The following HMCN1 variants were observed in gnomAD, a reference collection of about 807,000 sequenced individuals.
HMCN1 encodes the protein hemicentin 1.
Under a neutral mutation model 625.9 loss-of-function variants are expected in HMCN1, and 321 were observed. That is an observed-to-expected ratio of 0.51 (90% confidence interval 0.47 to 0.56). HMCN1 has a LOEUF of 0.56. Among genes scored for constraint, HMCN1 ranks in the 20% least tolerant of loss-of-function variants. The probability of loss-of-function intolerance (pLI) is 0.00; values close to 1 mark genes in which losing one functional copy is unlikely to be tolerated. For synonymous variants in HMCN1, 2,425 were observed against 2,417.6 expected (o/e 1.00, Z -0.09); for missense variants, 6,588 against 6,887.3 (o/e 0.96, Z 1.54).
At chr1:186,108,329 T>A (rs1660719087) in intron 70 of HMCN1, 132 bp from the exon 71 acceptor site, 2 of 1,398,530 alleles carry the variant, frequency 1.4e-6, no homozygotes, top group African/African-American at 1.4e-5. Flanking sequence ...CTGTTTGTAA[T>A]TATCTAGGCT....
At chr1:186,092,662 A>AT (rs11428061) in intron 64 of HMCN1, among the ~76,000 whole-genome samples, 97,225 of 151,742 alleles carry the variant, frequency 0.64, 33,249 homozygotes, top group African/African-American at 0.9. Context: ...GTAGAAAAAA[A>AT]GTTTGCAAAA....
At chr1:186,110,413 C>T (rs986648000) in intron 71 of HMCN1, among the ~76,000 whole-genome samples, 23 of 152,002 alleles carry the variant, frequency 1.5e-4, no homozygotes, top group Admixed American at 5.2e-4. Context: ...CACCGGTGTA[C>T]TAAAAGCCAA....
intron 69 of HMCN1, among the ~76,000 whole-genome samples, chr1:186,105,552 A>G (rs189400933): frequency 1.9e-4 from 29 of 152,346 alleles, no homozygotes; most frequent in African/African-American, 6.7e-4. Flanking sequence ...GGACCACTCT[A>G]TGACTAATAG....
chr1:185,795,729 A>G (rs1304344056), intron 1 of HMCN1, among the ~76,000 whole-genome samples: 1 of 152,168 alleles, frequency 6.6e-6, no homozygotes, highest in Non-Finnish European at 1.5e-5. Flanking sequence ...AGGTCTTGGG[A>G]TTTCCCTTTT....
At chr1:185,878,331 G>A (rs534345422) in intron 4 of HMCN1, among the ~76,000 whole-genome samples, 7 of 152,226 alleles carry the variant, frequency 4.6e-5, no homozygotes, top group Admixed American at 2.6e-4. Flanking sequence ...TTCTTAGTGC[G>A]AATGCTTTCA....
rs144086707 is a variant in HMCN1, at chr1:185,738,944, G to A, written c.268+3897G>A. Reference sequence around the variant, plus strand: ...ACATGGGTAAATTGTGTGTCACTGGGGTTTGGTGTACAAATGACTTCGTCA... The same window carrying A: ...ACATGGGTAAATTGTGTGTCACTGGAGTTTGGTGTACAAATGACTTCGTCA... On this transcript the variant is annotated intron_variant, in intron 1 of 106. Transcript: ENST00000271588. Among the ~76,000 whole-genome samples, 1,011 of 152,198 alleles carry A rather than the reference G, an allele frequency of 6.6e-3. 8 individuals are homozygous for A. The highest frequency in any genetic ancestry group is 0.027 in the Middle Eastern group (8 of 294).
intron 4 of HMCN1, among the ~76,000 whole-genome samples, chr1:185,869,174 G>A (rs1663454854): frequency 6.6e-6 from 1 of 152,178 alleles, no homozygotes; most frequent in African/African-American, 2.4e-5. Flanking sequence ...TAGAGTTCAG[G>A]AAATTATCTT....
chr1:185,797,823 G>A lies in HMCN1; in HGVS notation c.269-48203G>A, dbSNP rs577838085. Among the ~76,000 whole-genome samples, 399 of 141,240 alleles carry A rather than the reference G, an allele frequency of 2.8e-3. 6 individuals carry two copies. The highest frequency in any genetic ancestry group is 6.8e-3 in the Middle Eastern group (2 of 294). The allele number at this position is 141,240 out of a possible 152,430, so 92.7% of individuals were successfully genotyped here. ...CTACTAAAAATACAAAAAATTAGCC[G>A]GGCGTAGTGGCGGGCGCCTGTAGTC... On this transcript the variant is annotated intron_variant, in intron 1 of 106. Coordinates refer to ENST00000271588, the MANE Select transcript of HMCN1 (RefSeq NM_031935.3).
In HMCN1 at chr1:186,162,238, G is replaced by A. The variant is rs111918895; in HGVS notation, c.15257-2873G>A. Among the ~76,000 whole-genome samples the A allele has an allele frequency of 2.8e-3, 427 of 152,090 alleles. 3 individuals carry two copies. The highest frequency in any genetic ancestry group is 9.5e-3 in the African/African-American group (395 of 41,464). ...CTCCTGAGGCTTCTGCATTCTTCAC[G>A]TAGTTCTCGAGCCTTGGCTTTCAGC... On this transcript the variant is annotated intron_variant, in intron 97 of 106. Transcript: ENST00000271588.
At chr1:185,781,405 G>A (rs1657093010) in intron 1 of HMCN1, among the ~76,000 whole-genome samples, 1 of 151,904 alleles carries the variant, frequency 6.6e-6, no homozygotes, top group African/African-American at 2.4e-5. Flanking sequence ...TGAATGTTTT[G>A]CTCTTACTTG....
intron 90 of HMCN1, 75 bp from the exon 91 acceptor site, chr1:186,144,458 A>G: frequency 6.2e-7 from 1 of 1,610,344 alleles, no homozygotes; most frequent in Admixed American, 1.7e-5. Flanking sequence ...ACATCTCTCA[A>G]ACTAACAATG....
chr1:186,116,626 G>A lies in HMCN1; in HGVS notation c.11562-368G>A, dbSNP rs74136032. 9.5e-3 allele frequency among the ~76,000 whole-genome samples: 1,449 copies of A among 152,174 alleles called. 24 individuals carry two copies. The highest frequency in any genetic ancestry group is 0.032 in the African/African-American group (1,313 of 41,526). On this transcript the variant is annotated intron_variant, in intron 75 of 106. Coordinates refer to ENST00000271588, the MANE Select transcript of HMCN1 (RefSeq NM_031935.3). The stretch of plus-strand genomic sequence containing the variant: ...ATTTATGCAAAGCATTTAAGATGGT[G>A]CCTGGAGTGTATCTGATGCCCAGTA...
At chr1:186,116,546 G>A (rs921179459) in intron 75 of HMCN1, among the ~76,000 whole-genome samples, 14 of 152,038 alleles carry the variant, frequency 9.2e-5, no homozygotes, top group Admixed American at 8.5e-4. Flanking sequence ...TTAGCCATCT[G>A]TCAATGGAAA....
intron 1 of HMCN1, among the ~76,000 whole-genome samples, chr1:185,777,534 C>T (rs1656702854): frequency 6.6e-6 from 1 of 152,104 alleles, no homozygotes; most frequent in Admixed American, 6.5e-5. Flanking sequence ...TCACTACCAT[C>T]TCCGCCTCCT....
At chr1:186,008,755 T>C (rs1401493922) in intron 30 of HMCN1, among the ~76,000 whole-genome samples, 1 of 152,276 alleles carries the variant, frequency 6.6e-6, no homozygotes, top group East Asian at 1.9e-4. Context: ...ATTGAGCTTA[T>C]AGTAAGAGCC....
intron 53 of HMCN1, 64 bp downstream of exon 53, chr1:186,074,955 G>T (rs1406165811): frequency 3.7e-6 from 5 of 1,362,872 alleles, no homozygotes; most frequent in South Asian, 2.4e-5. Context: ...AAAGAAAAGA[G>T]ATTTGACTTA....
intron 105 of HMCN1, among the ~76,000 whole-genome samples, chr1:186,187,535 T>C (rs2102682214): frequency 6.6e-6 from 1 of 152,354 alleles, no homozygotes; most frequent in East Asian, 1.9e-4. Context: ...TTTGGCTTGT[T>C]CATAGTGCAT....
intron 89 of HMCN1, among the ~76,000 whole-genome samples, chr1:186,140,399 C>G (rs1185152063): frequency 1.3e-5 from 2 of 152,154 alleles, no homozygotes; most frequent in African/African-American, 2.4e-5. Context: ...TTGGATTTGT[C>G]TAACATCTCC....
chr1:186,086,530 G>T, intron 58 of HMCN1, 123 bp downstream of exon 58: 1 of 948,768 alleles, frequency 1.1e-6, no homozygotes, highest in Non-Finnish European at 1.6e-6. Flanking sequence ...CACAGTAAAT[G>T]CCTCTCTTTG....
Sources: gnomAD v4.1 joint callset for allele counts (sites outside exome capture counted in the v4.1 genomes callset) on GRCh38, gnomAD v4.1.1 for gene constraint, MANE v1.5 for transcripts, NCBI Gene and HGNC (gene_info 2026-07-23, HGNC 2026-07-21) for gene names.